MGAT4C: variants seen among roughly 807,000 people sequenced by gnomAD.
MGAT4C encodes the protein MGAT4 family member C.
Under a neutral mutation model 40.1 loss-of-function variants are expected in MGAT4C, and 19 were observed. The ratio of observed to expected loss-of-function variants is 0.47; its 90% CI spans 0.33 to 0.70. MGAT4C has a LOEUF of 0.70. Among genes scored for constraint, MGAT4C ranks in the 30% least tolerant of loss-of-function variants. The pLI is 0.02. For missense variants in MGAT4C, 491 were observed against 563.2 expected, an observed-to-expected ratio of 0.87 and a Z score of 1.30; for synonymous variants, 181 against 187.1, an observed-to-expected ratio of 0.97 and a Z score of 0.27.
chr12:86,665,054 C>T (rs1194742621), intron 2 of MGAT4C, among the ~76,000 whole-genome samples: 1 of 151,920 alleles, frequency 6.6e-6, no homozygotes, highest in Non-Finnish European at 1.5e-5. Context: ...TAGCCCCCTC[C>T]CCCCACCACC....
intron 1 of MGAT4C, among the ~76,000 whole-genome samples, chr12:86,748,267 G>A (rs1163456553): frequency 6.6e-6 from 1 of 151,576 alleles, no homozygotes; most frequent in Non-Finnish European, 1.5e-5. Flanking sequence ...TATTGGCAAT[G>A]AGAACTGTAA....
chr12:86,764,214 C>T (rs1951457790), intron 1 of MGAT4C, among the ~76,000 whole-genome samples: 1 of 152,156 alleles, frequency 6.6e-6, no homozygotes, highest in African/African-American at 2.4e-5. Context: ...AGATTATATC[C>T]CGCACCTGGC....
chr12:86,638,294 C>G (rs182690655), intron 2 of MGAT4C, among the ~76,000 whole-genome samples: 2 of 151,874 alleles, frequency 1.3e-5, no homozygotes, highest in East Asian at 3.9e-4. Flanking sequence ...AGGCACTTTC[C>G]TATGAGAAAG....
At chr12:86,328,420 A>C (rs1383494157) in intron 4 of MGAT4C, among the ~76,000 whole-genome samples, 1 of 152,202 alleles carries the variant, frequency 6.6e-6, no homozygotes, top group Non-Finnish European at 1.5e-5. Flanking sequence ...AGAAAAGTCT[A>C]TGGAATCGAC....
intron 2 of MGAT4C, among the ~76,000 whole-genome samples, chr12:86,513,795 A>T (rs1958635325): frequency 6.6e-6 from 1 of 152,168 alleles, no homozygotes; most frequent in Non-Finnish European, 1.5e-5. Context: ...AGACAATAAC[A>T]GAATCTTTGT....
At chr12:86,262,575 T>C (rs1952682489) in intron 4 of MGAT4C, among the ~76,000 whole-genome samples, 1 of 152,100 alleles carries the variant, frequency 6.6e-6, no homozygotes, top group African/African-American at 2.4e-5. Context: ...GATGTTTGTA[T>C]CTTCCACTAG....
At chr12:86,255,154 A>G (rs923373440) in intron 1 of MGAT4C, among the ~76,000 whole-genome samples, 5 of 152,162 alleles carry the variant, frequency 3.3e-5, no homozygotes, top group Admixed American at 1.3e-4. Context: ...TAACCCTAGG[A>G]GGAATGGAGA....
chr12:86,532,067 T>C (rs61950807), intron 2 of MGAT4C, among the ~76,000 whole-genome samples: 13,955 of 151,962 alleles, frequency 0.092, 824 homozygotes, highest in Middle Eastern at 0.23. Context: ...GTCATTTTTA[T>C]AGATTCTTTA....
chr12:86,657,027 T>C (rs1963867525), intron 2 of MGAT4C, among the ~76,000 whole-genome samples: 1 of 152,074 alleles, frequency 6.6e-6, no homozygotes, highest in Non-Finnish European at 1.5e-5. Flanking sequence ...TGTTTATATG[T>C]GAATTGACTT....
chr12:86,756,632 T>G (rs949540969), intron 1 of MGAT4C, among the ~76,000 whole-genome samples: 1 of 152,120 alleles, frequency 6.6e-6, no homozygotes, highest in African/African-American at 2.4e-5. Context: ...ACTAAAAAAG[T>G]TAAATGACTT....
chr12:86,364,602 C>T (rs533609381), intron 3 of MGAT4C, among the ~76,000 whole-genome samples: 2 of 152,084 alleles, frequency 1.3e-5, no homozygotes, highest in Non-Finnish European at 2.9e-5. Context: ...GCAAAATTCA[C>T]CCCCGATATT....
At chr12:86,051,935 T>C (rs1156400233) in intron 1 of MGAT4C, among the ~76,000 whole-genome samples, 1 of 151,760 alleles carries the variant, frequency 6.6e-6, no homozygotes, top group African/African-American at 2.4e-5. Context: ...ATAATTGTGC[T>C]AGCATAAAAT....
In MGAT4C at chr12:86,308,765, C is replaced by A. The variant is rs1429850092; in HGVS notation, c.-57+25300G>T. On this transcript the variant is annotated intron_variant, in intron 4 of 7. Transcript: ENST00000548651. ...TTCCTGTAGTTATATTTAGTATGAA[C>A]CCACTATGGTTGAGACACTGTGTTA... Among the ~76,000 whole-genome samples, 10 of 150,422 alleles carry A rather than the reference C, an allele frequency of 6.6e-5. 1 individual carries two copies. The highest frequency in any genetic ancestry group is 2.5e-4 in the African/African-American group (10 of 39,928).
chr12:86,255,890 T>C (rs991223096), intron 1 of MGAT4C, among the ~76,000 whole-genome samples: 4 of 152,134 alleles, frequency 2.6e-5, no homozygotes, highest in African/African-American at 9.7e-5. Context: ...TATTCTTTAA[T>C]ACTAATAGAA....
chr12:86,607,842 G>A (rs923799946), intron 2 of MGAT4C, among the ~76,000 whole-genome samples: 8 of 151,994 alleles, frequency 5.3e-5, no homozygotes, highest in African/African-American at 9.7e-5. Flanking sequence ...GGCACCTGGC[G>A]GGGTGCAGGG....
chr12:86,094,211 G>A (rs1312921965), intron 1 of MGAT4C, among the ~76,000 whole-genome samples: 1 of 152,060 alleles, frequency 6.6e-6, no homozygotes, highest in African/African-American at 2.4e-5. Flanking sequence ...GAGAAAATAA[G>A]GTTGTAAAAT....
intron 2 of MGAT4C, among the ~76,000 whole-genome samples, chr12:86,605,583 A>G (rs1962015000): frequency 6.6e-6 from 1 of 152,096 alleles, no homozygotes; most frequent in African/African-American, 2.4e-5. Flanking sequence ...TATCTAAGTC[A>G]TTTACTATTT....
chr12:86,285,125 T>G (rs1953319456), intron 4 of MGAT4C, among the ~76,000 whole-genome samples: 1 of 151,940 alleles, frequency 6.6e-6, no homozygotes, highest in Non-Finnish European at 1.5e-5. Flanking sequence ...ATAAAACAAG[T>G]GGAGGGAGTA....
intron 1 of MGAT4C, among the ~76,000 whole-genome samples, chr12:86,066,175 C>T (rs867552783): frequency 1.3e-5 from 2 of 152,076 alleles, no homozygotes; most frequent in African/African-American, 4.8e-5. Flanking sequence ...CATCAAGGTA[C>T]CACTGATTTT....
Sources: allele counts gnomAD v4.1 joint callset (sites outside exome capture counted in the v4.1 genomes callset), GRCh38; gene constraint gnomAD v4.1.1; transcripts MANE v1.5; gene names NCBI Gene and HGNC (gene_info 2026-07-23, HGNC 2026-07-21).